WDFY4: variants seen among roughly 807,000 people sequenced by gnomAD.
The protein encoded by WDFY4 is WDFY family member 4.
In WDFY4, 169 loss-of-function variants were observed where a neutral mutation model predicts 351.9. The ratio of observed to expected loss-of-function variants is 0.48; its 90% confidence interval spans 0.42 to 0.55. The LOEUF (loss-of-function observed/expected upper bound fraction) is 0.55. Ranked by LOEUF, WDFY4 falls within the 20% of genes least tolerant of loss-of-function variation. The probability of loss-of-function intolerance (pLI) is 0.00; values close to 1 mark genes in which losing one functional copy is unlikely to be tolerated. For missense variants in WDFY4, 3,803 were observed against 3,935.6 expected, an observed-to-expected ratio of 0.97 and a Z score of 0.90; for synonymous variants, 1,622 against 1,574.6, an observed-to-expected ratio of 1.03 and a Z score of -0.71.
intron 53 of WDFY4, among the ~76,000 whole-genome samples, chr10:48,962,411 C>T (rs991357455): frequency 6.6e-6 from 1 of 152,204 alleles, no homozygotes. Flanking sequence ...GGAGCCCAGA[C>T]AATCCCAAAT....
chr10:48,968,876 T>A, intron 55 of WDFY4, 188 bp from the exon 56 acceptor site: 1 of 616,382 alleles, frequency 1.6e-6, no homozygotes, highest in Non-Finnish European at 2.8e-6. Flanking sequence ...GGTGCTGTCC[T>A]TCTGTGCATA....
At chr10:48,909,204 A>T (rs1411526423) in intron 47 of WDFY4, among the ~76,000 whole-genome samples, 3 of 152,212 alleles carry the variant, frequency 2.0e-5, no homozygotes, top group Admixed American at 2.0e-4. Flanking sequence ...TTTTGTGGTC[A>T]TTACAAATAA....
At chr10:48,761,053 C>T (rs2065486914) in intron 13 of WDFY4, among the ~76,000 whole-genome samples, 2 of 152,168 alleles carry the variant, frequency 1.3e-5, no homozygotes, top group Non-Finnish European at 2.9e-5. Context: ...GAACAGATCT[C>T]ATTAAATCTA....
At chr10:48,952,045 T>A (rs760913413) in intron 51 of WDFY4, among the ~76,000 whole-genome samples, 3 of 152,242 alleles carry the variant, frequency 2.0e-5, no homozygotes, top group Admixed American at 6.5e-5. Context: ...ACAAGACAGA[T>A]GCTAACTGCA....
At position 48,932,978 on chromosome 10, in the gene WDFY4, G is replaced by A. The variant is rs117116538; in HGVS notation, c.7587-8828G>A. ...TGCAAGGTGGGCCATGTGCTCATGGGTAGGGGACAACATAAGGCCTTCTAT... is the reference window on the plus strand; with the variant it reads ...TGCAAGGTGGGCCATGTGCTCATGGATAGGGGACAACATAAGGCCTTCTAT... On this transcript the variant is annotated intron_variant, in intron 47 of 61. Transcript: ENST00000325239. 3.4e-3 allele frequency among the ~76,000 whole-genome samples: 511 copies of A among 152,266 alleles called. 1 individual carries two copies. The highest frequency in any genetic ancestry group is 6.1e-3 in the Non-Finnish European group (413 of 68,016).
intron 51 of WDFY4, among the ~76,000 whole-genome samples, chr10:48,953,300 A>G (rs867215205): frequency 9.8e-5 from 10 of 102,278 alleles, no homozygotes; most frequent in South Asian, 4.0e-4. Context: ...CGCATGAGAT[A>G]TGTCTCTCTC....
chr10:48,888,311 T>C (rs74130683), intron 43 of WDFY4, among the ~76,000 whole-genome samples: 135 of 136,724 alleles, frequency 9.9e-4, no homozygotes, highest in African/African-American at 3.5e-3. Context: ...CTTCCTTCCT[T>C]CCTTTCTTCC....
At chr10:48,946,507 C>T (rs1191816303) in intron 50 of WDFY4, among the ~76,000 whole-genome samples, 2 of 152,226 alleles carry the variant, frequency 1.3e-5, no homozygotes, top group Non-Finnish European at 2.9e-5. Context: ...CTGCCAGGGG[C>T]AGGCCAGCCT....
At chr10:48,964,177 C>G (rs1408129022) in intron 54 of WDFY4, 123 bp downstream of exon 54, 2 of 1,094,072 alleles carry the variant, frequency 1.8e-6, no homozygotes. Context: ...CCATCATCTT[C>G]CTGTGCTTTC....
At chr10:48,724,726 C>T (rs954191992) in intron 5 of WDFY4, among the ~76,000 whole-genome samples, 1 of 152,058 alleles carries the variant, frequency 6.6e-6, no homozygotes, top group Non-Finnish European at 1.5e-5. Flanking sequence ...CAGATGGTTG[C>T]TGCAGCAAGC....
chr10:48,916,398 G>A (rs182453274), intron 47 of WDFY4, among the ~76,000 whole-genome samples: 1 of 152,264 alleles, frequency 6.6e-6, no homozygotes, highest in Non-Finnish European at 1.5e-5. Flanking sequence ...TTGCTTGCTT[G>A]CTTCTCTCCT....
intron 12 of WDFY4, among the ~76,000 whole-genome samples, chr10:48,756,510 T>C (rs954611434): frequency 6.6e-6 from 1 of 151,978 alleles, no homozygotes; most frequent in Non-Finnish European, 1.5e-5. Context: ...CAGTATTACA[T>C]CCAATAGCAA....
At chr10:48,881,740 GGGCCTCTCTGT>G (rs2070256886) in intron 43 of WDFY4, among the ~76,000 whole-genome samples, 1 of 152,096 alleles carries the variant, frequency 6.6e-6, no homozygotes, top group Non-Finnish European at 1.5e-5. Flanking sequence ...GGGACATATG[GGGCCTCTCTGT>G]GGCCTGGCAC....
At chr10:48,886,661 A>G (rs1484660141) in intron 43 of WDFY4, among the ~76,000 whole-genome samples, 1 of 152,210 alleles carries the variant, frequency 6.6e-6, no homozygotes, top group African/African-American at 2.4e-5. Flanking sequence ...TAGCCAAATA[A>G]ACATTTATCT....
intron 44 of WDFY4, 39 bp from the exon 45 acceptor site, chr10:48,897,415 T>C: frequency 6.5e-7 from 1 of 1,543,296 alleles, no homozygotes; most frequent in Non-Finnish European, 8.8e-7. Context: ...CTCACTCTGA[T>C]GTCTGAACAT....
chr10:48,829,756 G>T (rs1385682896), intron 37 of WDFY4, among the ~76,000 whole-genome samples: 1 of 152,154 alleles, frequency 6.6e-6, no homozygotes, highest in Non-Finnish European at 1.5e-5. Context: ...GGAGGCTGAG[G>T]CAGGAAAATC....
chr10:48,865,038 G>T (rs78543867), intron 39 of WDFY4, among the ~76,000 whole-genome samples: 1 of 152,020 alleles, frequency 6.6e-6, no homozygotes, highest in African/African-American at 2.4e-5. Context: ...CTTTCAATTT[G>T]GATGCCTTTT....
intron 39 of WDFY4, among the ~76,000 whole-genome samples, chr10:48,854,694 T>C (rs900364472): frequency 6.6e-6 from 1 of 152,224 alleles, no homozygotes; most frequent in African/African-American, 2.4e-5. Context: ...ACACTGTTAT[T>C]CTGTAGTGCT....
At chr10:48,952,102 T>G (rs965078064) in intron 51 of WDFY4, among the ~76,000 whole-genome samples, 1 of 152,078 alleles carries the variant, frequency 6.6e-6, no homozygotes, top group Non-Finnish European at 1.5e-5. Flanking sequence ...TCCTGGCTGT[T>G]GACTTAGAAG....
Sources: allele counts gnomAD v4.1 joint callset (sites outside exome capture counted in the v4.1 genomes callset), GRCh38; gene constraint gnomAD v4.1.1; transcripts MANE v1.5; gene names NCBI Gene and HGNC (gene_info 2026-07-23, HGNC 2026-07-21).